PGAP1: variants seen among roughly 807,000 people sequenced by gnomAD.
PGAP1 encodes the protein post-GPI attachment to proteins inositol deacylase 1, also known as GPI inositol-deacylase.
PGAP1 carries 76 observed loss-of-function variants against 127.0 expected under a neutral mutation model. That is an observed-to-expected ratio of 0.60 (90% confidence interval 0.50 to 0.72). The LOEUF is 0.72. Ranked by LOEUF, PGAP1 falls within the 30% of genes least tolerant of loss-of-function variation. PGAP1 has a pLI of 0.00. For missense variants in PGAP1, 982 were observed against 1,071.3 expected, an observed-to-expected ratio of 0.92 and a Z score of 1.16; for synonymous variants, 362 against 366.5, an observed-to-expected ratio of 0.99 and a Z score of 0.14.
intron 20 of PGAP1, among the ~76,000 whole-genome samples, chr2:196,860,361 A>G (rs995599952): frequency 6.6e-6 from 1 of 152,022 alleles, no homozygotes; most frequent in Non-Finnish European, 1.5e-5. Flanking sequence ...GTGAAACCCC[A>G]TCTCTACTAG....
chr2:196,873,082 T>C, intron 16 of PGAP1, 56 bp from the exon 17 acceptor site: 1 of 584,318 alleles, frequency 1.7e-6, no homozygotes, highest in South Asian at 2.4e-5. Flanking sequence ...AAATGTTACA[T>C]AAACTACTAT....
chr2:196,881,982 G>T (rs1349242527), intron 12 of PGAP1, among the ~76,000 whole-genome samples: 1 of 151,942 alleles, frequency 6.6e-6, no homozygotes, highest in African/African-American at 2.4e-5. Flanking sequence ...TTATAGTTTT[G>T]GGTTTTACAC....
At position 196,835,029 on chromosome 2, in the gene PGAP1, T is replaced by C. The variant is rs973060335; in HGVS notation, c.*6205A>G. 2 of 151,970 alleles carry C rather than the reference T, an allele frequency of 1.3e-5. No homozygotes were observed. Among genetic ancestry groups the C allele is most frequent in the African/African-American group, 4.8e-5 (2 of 41,438 alleles). The allele number at this position is 151,970 out of a possible 1,614,324, so 9.4% of individuals were successfully genotyped here. A position where few individuals can be genotyped will look rare whatever the true frequency, so the allele number is the denominator to read the frequency against. On this transcript the variant is annotated 3_prime_UTR_variant, in exon 27 of 27. Transcript: ENST00000354764. ...CTGGGCAGAGAAATACTTAGTAATA[T>C]TAAATTATGGGGAAAACTATAATAT...
intron 12 of PGAP1, 99 bp from the exon 13 acceptor site, chr2:196,880,252 T>C: frequency 1.3e-6 from 1 of 757,494 alleles, no homozygotes; most frequent in Non-Finnish European, 2.0e-6. Flanking sequence ...TTCGTTATCT[T>C]AAAAAGCAGG....
rs1304769844 is a variant in PGAP1 at position 196,911,630 on chromosome 2, AAAAAAATT to A, written c.649+1244_649+1251del. On this transcript the variant is annotated intron_variant, in intron 4 of 26. Transcript: ENST00000354764. ...ATAAAAAAAAAAAAAAAAAAAAAAA[AAAAAAATT>A]AAGATAATGCAAATTTTTATAGGTA... 6.0e-5 allele frequency among the ~76,000 whole-genome samples: 9 copies of A among 149,680 alleles called. No homozygotes were observed. The East Asian group carries it at 1.7e-3, about 29-fold the overall frequency.
In PGAP1 at chr2:196,834,565, C is replaced by T. The variant is rs1700185993; in HGVS notation, c.*6669G>A. 1 of 152,328 alleles carries T rather than the reference C, an allele frequency of 6.6e-6. No homozygotes were observed. Among genetic ancestry groups the T allele is most frequent in the Admixed American group, 6.6e-5 (1 of 15,258 alleles). The allele number at this position is 152,328 out of a possible 1,614,324, so 9.4% of individuals were successfully genotyped here. A position where few individuals can be genotyped will look rare whatever the true frequency, so the allele number is the denominator to read the frequency against. ...GTATGTTGTTATATTTATAGCCAGT[C>T]ATAAGCTTCAGAAACTATAATACAA... On this transcript the variant is annotated 3_prime_UTR_variant, in exon 27 of 27. Coordinates refer to ENST00000354764, the MANE Select transcript of PGAP1 (RefSeq NM_024989.4).
In PGAP1 at chr2:196,880,000, A is replaced by G. The variant is rs1426542808; in HGVS notation, c.1350+76T>C. On this transcript the variant is annotated intron_variant, in intron 13 of 26. Coordinates refer to ENST00000354764, the MANE Select transcript of PGAP1 (RefSeq NM_024989.4). The stretch of plus-strand genomic sequence containing the variant: ...TGTTTTAGATAAACTGTGCAGAAAA[A>G]CTCATTGAAAAAGAACTGTAAAATT... 5.7e-6 allele frequency: 6 copies of G among 1,043,722 alleles called. No homozygotes were observed. The East Asian group carries it at 1.5e-4, about 26-fold the overall frequency. 64.7% of individuals were successfully genotyped at this position (1,043,722 alleles called of 1,614,324 possible).
At chr2:196,878,937 TTTTTA>T in intron 13 of PGAP1, among the ~76,000 whole-genome samples, 1 of 152,212 alleles carries the variant, frequency 6.6e-6, no homozygotes, top group East Asian at 1.9e-4. Context: ...GGAACAGAAT[TTTTTA>T]TTTTATATTA....
At chr2:196,881,178 T>A (rs1188306423) in intron 12 of PGAP1, among the ~76,000 whole-genome samples, 1 of 152,198 alleles carries the variant, frequency 6.6e-6, no homozygotes, top group Non-Finnish European at 1.5e-5. Context: ...GTTCCATCCA[T>A]GTTACTGCAA....
At chr2:196,847,318 A>G (rs1162308635) in intron 21 of PGAP1, 118 bp from the exon 22 acceptor site, 1 of 726,940 alleles carries the variant, frequency 1.4e-6, no homozygotes, top group Admixed American at 3.3e-5. Flanking sequence ...CTTAATTTAT[A>G]ATTATACTGA....
chr2:196,845,226 T>C (rs753516523), intron 23 of PGAP1, among the ~76,000 whole-genome samples: 12 of 151,890 alleles, frequency 7.9e-5, no homozygotes, highest in Non-Finnish European at 1.5e-4. Context: ...GAAAATAATA[T>C]ATGATATGCA....
chr2:196,864,023 A>G (rs993136231), intron 20 of PGAP1, among the ~76,000 whole-genome samples: 8 of 152,216 alleles, frequency 5.3e-5, no homozygotes, highest in Middle Eastern at 3.2e-3. Flanking sequence ...TGAATGTGTC[A>G]AAATATCACA....
At chr2:196,863,849 G>C (rs1701149711) in intron 20 of PGAP1, among the ~76,000 whole-genome samples, 1 of 152,020 alleles carries the variant, frequency 6.6e-6, no homozygotes, top group African/African-American at 2.4e-5. Flanking sequence ...AAAGTGCTGG[G>C]ATTACAGGCA....
At chr2:196,924,532 C>A (rs2125844105) in intron 1 of PGAP1, among the ~76,000 whole-genome samples, 1 of 152,166 alleles carries the variant, frequency 6.6e-6, no homozygotes, top group Non-Finnish European at 1.5e-5. Context: ...AACAAAAAGA[C>A]TTAAGAATAC....
intron 20 of PGAP1, among the ~76,000 whole-genome samples, chr2:196,848,244 CAA>C (rs1186242113): frequency 6.6e-6 from 1 of 152,004 alleles, no homozygotes; most frequent in Non-Finnish European, 1.5e-5. Context: ...CTTGTAAAAA[CAA>C]ATTCAGGAAG....
intron 5 of PGAP1, 150 bp downstream of exon 5, chr2:196,902,435 C>G: frequency 1.9e-6 from 1 of 526,644 alleles, no homozygotes; most frequent in South Asian, 4.1e-5. Flanking sequence ...TCTCTCTTTC[C>G]CTCTCTCTCT....
At chr2:196,862,668 C>T (rs1243847778) in intron 20 of PGAP1, among the ~76,000 whole-genome samples, 1 of 152,156 alleles carries the variant, frequency 6.6e-6, no homozygotes, top group African/African-American at 2.4e-5. Context: ...TACTCTGTCC[C>T]CTTATTTCTC....
chr2:196,875,784 C>G lies in PGAP1; in HGVS notation c.1388G>C (p.Arg463Thr). The G allele has an allele frequency of 6.5e-7, 1 of 1,540,798 alleles. No homozygotes were observed. The highest frequency in any genetic ancestry group is 8.9e-7 in the Non-Finnish European group (1 of 1,118,230). Residue 463 changes from arginine to threonine, a missense_variant, in exon 14 of 27, where the codon AGA becomes ACA. Coordinates refer to ENST00000354764, the MANE Select transcript of PGAP1 (RefSeq NM_024989.4). ...ATGAGTTACAGGAAGCTGTATGTAT[C>G]TTTTCTCTTTTTTAAAGAATTCACA... ...VDCEFFKKEK[R>T]YIQLPVTHLF...
intron 20 of PGAP1, among the ~76,000 whole-genome samples, chr2:196,849,261 A>ATTT (rs747641877): frequency 1.3e-4 from 18 of 135,982 alleles, no homozygotes; most frequent in East Asian, 4.2e-4. Flanking sequence ...TGTCAGAATA[A>ATTT]TTTTTTTTTT....
Sources: allele counts gnomAD v4.1 joint callset (sites outside exome capture counted in the v4.1 genomes callset), GRCh38; gene constraint gnomAD v4.1.1; transcripts MANE v1.5; gene names NCBI Gene and HGNC (gene_info 2026-07-23, HGNC 2026-07-21).